Variants in CYP2A7 observed in about 807,000 individuals in gnomAD.
CYP2A7 encodes the protein cytochrome P450 2A7.
CYP2A7 carries 36 observed loss-of-function variants against 42.0 expected under a neutral mutation model. The ratio of observed to expected loss-of-function variants is 0.86; its 90% confidence interval spans 0.66 to 1.13. The LOEUF (loss-of-function observed/expected upper bound fraction) is 1.13. Among genes scored for constraint, CYP2A7 ranks in the 50% most tolerant of loss-of-function variants. The pLI, the probability that CYP2A7 is intolerant of heterozygous loss-of-function variation, is 0.00. For missense variants in CYP2A7, 661 were observed against 634.1 expected (o/e 1.04, Z -0.46); for synonymous variants, 260 against 249.5 (o/e 1.04, Z -0.40).
In CYP2A7 at chr19:40,877,892, G is replaced by A. The variant is rs370241598; in HGVS notation, c.933C>T (p.Arg311=). The change falls in exon 6 of 9, where the codon CGC becomes CGT. Residue 311 remains arginine (R), a synonymous_variant. Transcript: ENST00000301146. ...AGTETVSTTL[R]YGFLLLMKHP... ...GCTTCATGAGCAGCAAGAAGCCATAGCGCAGGGTGGTGCTGACCGTCTCGG... is the reference window on the plus strand; with the variant it reads ...GCTTCATGAGCAGCAAGAAGCCATAACGCAGGGTGGTGCTGACCGTCTCGG... The A allele has an allele frequency of 5.6e-6, 9 of 1,611,872 alleles. No individual in the cohort carries two copies. In the African/African-American group the frequency reaches 8.0e-5, roughly 14 times the overall value.
At chr19:40,876,425 C>T in intron 8 of CYP2A7, 102 bp downstream of exon 8, 1 of 1,591,396 alleles carries the variant, frequency 6.3e-7, no homozygotes, top group South Asian at 1.1e-5. Context: ...CAGGAACTTC[C>T]AAGCTGGAGA....
At chr19:40,878,695 C>T in intron 5 of CYP2A7, 65 bp downstream of exon 5, 1 of 1,591,788 alleles carries the variant, frequency 6.3e-7, no homozygotes, top group Non-Finnish European at 8.6e-7. Context: ...TCTGCCCGCC[C>T]CACTCCCAGT....
rs545708572 is a variant in CYP2A7 at position 40,881,620 on chromosome 19, T to C, written c.312A>G (p.Gln104=). 97 of 1,612,454 alleles carry C rather than the reference T, an allele frequency of 6.0e-5. No homozygotes were observed. Among genetic ancestry groups the C allele is most frequent in the East Asian group, 3.3e-4 (15 of 44,856 alleles). ...CTTTGAAGACCCAGTCGAAGGTGGC[T>C]TGCTCGCCTCGCCCGCTGAACTCCT... The part of the protein sequence containing the change: ...QAEEFSGRGE[Q]ATFDWVFKGY... The change falls in exon 2 of 9, where the codon CAA becomes CAG. Residue 104 remains glutamine, a synonymous_variant. Transcript: ENST00000301146.
At chr19:40,876,893 G>A in intron 7 of CYP2A7, 1 of 702,164 alleles carries the variant, frequency 1.4e-6, no homozygotes, top group Non-Finnish European at 2.3e-6. Context: ...GGTTGTTTGG[G>A]GGACCTGAAA....
chr19:40,875,640 A>C lies in CYP2A7; in HGVS notation c.*53T>G, dbSNP rs1060088. 35 of 1,609,682 alleles carry C rather than the reference A, an allele frequency of 2.2e-5. No homozygotes were observed. In the African/African-American group the frequency reaches 3.6e-4, roughly 17 times the overall value. ...CGCCTCTTCCGCGAACCCCGCCCTG[A>C]CCCCGCCTTTCCCTGGCCCCGCCCA... On this transcript the variant is annotated 3_prime_UTR_variant, in exon 9 of 9. Coordinates refer to ENST00000301146, the MANE Select transcript of CYP2A7 (RefSeq NM_000764.3).
Position 40,876,583 on chromosome 19 carries a change from A to C in CYP2A7, c.1247T>G (p.Phe416Cys). The C allele has an allele frequency of 6.2e-7, 1 of 1,613,140 alleles. No homozygotes were observed. Among genetic ancestry groups the C allele is most frequent in the East Asian group, 2.2e-5 (1 of 44,880 alleles). Residue 416 changes from phenylalanine to cysteine, a missense_variant, in exon 8 of 9, where the codon TTC becomes TGC. By Grantham distance (205) the Phe-to-Cys change is radical (BLOSUM62 -2). This residue lies in a region of CYP2A7 where 614 missense variants were observed against 552.4 expected (regional missense o/e 1.11). Transcript: ENST00000301146. ...SNPQDFNPQH[F>C]LDDKGQFKKS... Reference sequence around the variant, plus strand: ...CTTAAACTGCCCCTTGTCATCCAGGAAATGCTGGGGATTGAAGTCCTGAGG... The same window carrying C: ...CTTAAACTGCCCCTTGTCATCCAGGCAATGCTGGGGATTGAAGTCCTGAGG...
At chr19:40,876,709 G>A in intron 7 of CYP2A7, 41 bp from the exon 8 acceptor site, 2 of 1,582,416 alleles carry the variant, frequency 1.3e-6, no homozygotes, top group Non-Finnish European at 1.7e-6. Flanking sequence ...AGGAGGGTCG[G>A]GGGATTGGTG....
chr19:40,876,219 T>C, intron 8 of CYP2A7: 1 of 599,588 alleles, frequency 1.7e-6, no homozygotes, highest in Non-Finnish European at 2.9e-6. Flanking sequence ...GGTTTAGATG[T>C]CCTTCTTGCC....
rs1455436686 is a variant in CYP2A7, at chr19:40,877,799, A to G, written c.973+53T>C. 4 of 1,564,576 alleles carry G rather than the reference A, an allele frequency of 2.6e-6. No individual in the cohort carries two copies. The Admixed American group carries it at 8.0e-5, about 31-fold the overall frequency. ...CAGGTAGGGACATTGCACCAGTCGA[A>G]GGGGAATTTTGAGGGTCTGGGGCCC... On this transcript the variant is annotated intron_variant, in intron 6 of 8. Transcript: ENST00000301146.
In CYP2A7 at chr19:40,878,845, G is replaced by A. The variant is rs746906533; in HGVS notation, c.746C>T (p.Ala249Val). 1.2e-6 allele frequency: 2 copies of A among 1,612,028 alleles called. No individual in the cohort carries two copies. Among genetic ancestry groups the A allele is most frequent in the South Asian group, 1.1e-5 (1 of 90,978 alleles). Residue 249 changes from alanine (A) to valine (V), a missense_variant, in exon 5 of 9, where the codon GCC becomes GTC. By Grantham distance (64) the Ala-to-Val change is moderately conservative (BLOSUM62 0). Around this residue, in one of 3 missense-constraint regions of CYP2A7, gnomAD observed 614 missense variants for 552.4 expected, o/e 1.11. Coordinates refer to ENST00000301146, the MANE Select transcript of CYP2A7 (RefSeq NM_000764.3). ...GCGCTGGTTGTGCTCCACCTTCTTG[G>A]CTATGAAGTCCTCCAGCCCTTGCAG... ...KLLQGLEDFIAKKVEHNQRTL... is the reference protein window; with the variant it reads ...KLLQGLEDFIVKKVEHNQRTL...
intron 5 of CYP2A7, 84 bp downstream of exon 5, chr19:40,878,676 T>A (rs1423702146): frequency 1.3e-6 from 2 of 1,558,360 alleles, no homozygotes; most frequent in African/African-American, 2.7e-5. Context: ...TTTGAACGGG[T>A]CTGTGTCGTC....
intron 2 of CYP2A7, among the ~76,000 whole-genome samples, chr19:40,880,912 G>A (rs1309866634): frequency 6.7e-6 from 1 of 150,094 alleles, no homozygotes; most frequent in South Asian, 2.1e-4. Flanking sequence ...AGGCCAGATA[G>A]AGATGCGCAG....
At chr19:40,878,162 T>C (rs4079370) in intron 5 of CYP2A7, among the ~76,000 whole-genome samples, 169 bp from the exon 6 acceptor site, 20,425 of 151,484 alleles carry the variant, frequency 0.13, 1,834 homozygotes, top group East Asian at 0.17. Flanking sequence ...GCTGCTGGCT[T>C]TGCCCAAAAT....
intron 4 of CYP2A7, among the ~76,000 whole-genome samples, chr19:40,879,423 T>A (rs1967605817): frequency 6.6e-6 from 1 of 151,498 alleles, no homozygotes; most frequent in Non-Finnish European, 1.5e-5. Context: ...GTGAAGATGT[T>A]GAAGTGCAGG....
chr19:40,881,630 C>T lies in CYP2A7; in HGVS notation c.302G>A (p.Arg101Gln), dbSNP rs191930445. 30 of 1,612,834 alleles carry T rather than the reference C, an allele frequency of 1.9e-5. No individual in the cohort carries two copies. Among genetic ancestry groups the T allele is most frequent in the Admixed American group, 1.3e-4 (8 of 59,982 alleles). The stretch of plus-strand genomic sequence containing the variant: ...CCAGTCGAAGGTGGCTTGCTCGCCT[C>T]GCCCGCTGAACTCCTCAGCCTGGTC... ...LVDQAEEFSG[R>Q]GEQATFDWVF... Residue 101 changes from arginine to glutamine, a missense_variant, in exon 2 of 9, where the codon CGA becomes CAA. Around this residue, in one of 3 missense-constraint regions of CYP2A7, gnomAD observed 614 missense variants for 552.4 expected, o/e 1.11. Coordinates refer to ENST00000301146, the MANE Select transcript of CYP2A7 (RefSeq NM_000764.3).
intron 7 of CYP2A7, chr19:40,876,988 C>T: frequency 3.0e-6 from 2 of 676,890 alleles, no homozygotes; most frequent in South Asian, 2.1e-5. Context: ...GTTTGATTCT[C>T]CCGACACAAA....
intron 2 of CYP2A7, among the ~76,000 whole-genome samples, chr19:40,881,345 G>A (rs886520771): frequency 2.6e-5 from 4 of 151,398 alleles, no homozygotes; most frequent in African/African-American, 9.7e-5. Flanking sequence ...GGGGAAAGAG[G>A]AGACTCCAGT....
intron 2 of CYP2A7, among the ~76,000 whole-genome samples, 168 bp from the exon 3 acceptor site, chr19:40,880,796 AGG>A (rs1354151315): frequency 5.2e-4 from 12 of 23,070 alleles, no homozygotes; most frequent in East Asian, 9.2e-4. Flanking sequence ...GAGAAACACG[AGG>A]GAGAGAGAGA....
chr19:40,880,411 ACGCG>A (rs1967629154), intron 3 of CYP2A7, 64 bp downstream of exon 3: 1 of 1,577,238 alleles, frequency 6.3e-7, no homozygotes, highest in South Asian at 1.2e-5. Context: ...CGCAGGCAGA[ACGCG>A]CGCGGGTTCC....
Sources: allele counts gnomAD v4.1 joint callset (sites outside exome capture counted in the v4.1 genomes callset), GRCh38; gene constraint gnomAD v4.1.1; regional missense constraint gnomAD v4.1.1; transcripts MANE v1.5; gene names NCBI Gene and HGNC (gene_info 2026-07-23, HGNC 2026-07-21).